MTREX: variants seen among roughly 807,000 people sequenced by gnomAD.
The protein encoded by MTREX is exosome RNA helicase MTR4.
In MTREX, 76 loss-of-function variants were observed where a neutral mutation model predicts 135.4. The ratio of observed to expected loss-of-function variants is 0.56; its 90% CI spans 0.47 to 0.68. The LOEUF is 0.68. Among genes scored for constraint, MTREX ranks in the 30% least tolerant of loss-of-function variants. MTREX has a pLI of 0.00. For missense variants in MTREX, 920 were observed against 1,262.1 expected (o/e 0.73, Z 4.11); for synonymous variants, 404 against 401.6 (o/e 1.01, Z -0.07).
chr5:55,309,826 C>T (rs1165820299), intron 1 of MTREX, among the ~76,000 whole-genome samples: 1 of 151,942 alleles, frequency 6.6e-6, no homozygotes, highest in Non-Finnish European at 1.5e-5. Flanking sequence ...GGAGAGGGTA[C>T]ATAAGCCTAA....
chr5:55,397,475 T>A lies in MTREX; in HGVS notation c.2241T>A (p.Pro747=). ...TCAGCAGTGTTAGGCTTTACATTCC[T>A]AAAGACCTTCGGCCGGTGGACAATA... ...SAISSVRLYI[P]KDLRPVDNRQ... is the part of the protein sequence containing the mutation. Residue 747 remains proline, a synonymous_variant, in exon 20 of 27, where the codon CCT becomes CCA. Transcript: ENST00000230640. 1 of 1,610,962 alleles carries A rather than the reference T, an allele frequency of 6.2e-7. No homozygotes were observed. The highest frequency in any genetic ancestry group is 1.1e-5 in the South Asian group (1 of 90,592).
At chr5:55,368,268 A>T (rs984168948) in intron 16 of MTREX, among the ~76,000 whole-genome samples, 2 of 151,906 alleles carry the variant, frequency 1.3e-5, no homozygotes, top group African/African-American at 4.8e-5. Context: ...GGCCAGCATG[A>T]TGAAACCCCA....
intron 14 of MTREX, among the ~76,000 whole-genome samples, chr5:55,354,980 C>T (rs1436004983): frequency 6.6e-6 from 1 of 152,168 alleles, no homozygotes; most frequent in Non-Finnish European, 1.5e-5. Context: ...AGGAAGCAGG[C>T]ACAGGGTGGA....
rs1003650140 is a variant in MTREX, at chr5:55,397,431, G to A, written c.2197G>A (p.Val733Met). ...KGEMQVVPVL[V>M]HLLSAISSVR... ...TTGGTCATAGGTTGTCCCAGTTTTG[G>A]TGCATCTCCTGTCTGCTATCAGCAG... is the stretch of plus-strand genomic sequence containing the variant. Residue 733 changes from valine (V) to methionine (M), a missense_variant, in exon 20 of 27, where the codon GTG (valine) becomes ATG (methionine). By Grantham distance (21) the Val-to-Met change is conservative (BLOSUM62 1). Transcript: ENST00000230640. 6.2e-7 allele frequency: 1 copy of A among 1,608,016 alleles called. No homozygotes were observed. The highest frequency in any genetic ancestry group is 1.3e-5 in the African/African-American group (1 of 74,826).
chr5:55,313,379 T>C (rs927871454), intron 1 of MTREX, among the ~76,000 whole-genome samples: 1 of 152,076 alleles, frequency 6.6e-6, no homozygotes, highest in Non-Finnish European at 1.5e-5. Flanking sequence ...AGGTTGAGGC[T>C]GCAGGGAGCT....
At chr5:55,351,502 A>G (rs1466947680) in intron 13 of MTREX, among the ~76,000 whole-genome samples, 1 of 152,222 alleles carries the variant, frequency 6.6e-6, no homozygotes, top group Admixed American at 6.5e-5. Flanking sequence ...ATTGTACTCC[A>G]GCCTGGACAA....
At chr5:55,412,331 A>G (rs761199076) in intron 23 of MTREX, among the ~76,000 whole-genome samples, 13 of 152,210 alleles carry the variant, frequency 8.5e-5, no homozygotes, top group Non-Finnish European at 1.8e-4. Flanking sequence ...AACTGTCTCT[A>G]CATTTTAAAA....
chr5:55,383,087 T>G (rs934464968), intron 18 of MTREX, among the ~76,000 whole-genome samples: 1 of 152,208 alleles, frequency 6.6e-6, no homozygotes, highest in African/African-American at 2.4e-5. Context: ...CCTTAAACAG[T>G]TTTGCTCCCA....
chr5:55,320,256 C>T (rs1297654679), intron 1 of MTREX, among the ~76,000 whole-genome samples: 1 of 143,956 alleles, frequency 6.9e-6, no homozygotes, highest in Non-Finnish European at 1.5e-5. Context: ...CTTGCTCTGT[C>T]GCCCAGGCTG....
At chr5:55,391,242 A>G (rs1317932205) in intron 19 of MTREX, among the ~76,000 whole-genome samples, 1 of 152,018 alleles carries the variant, frequency 6.6e-6, no homozygotes, top group Non-Finnish European at 1.5e-5. Flanking sequence ...GGAGTTCAAG[A>G]CCAGCCTGGG....
At chr5:55,315,036 C>T (rs573135974) in intron 1 of MTREX, among the ~76,000 whole-genome samples, 7 of 152,064 alleles carry the variant, frequency 4.6e-5, no homozygotes, top group Non-Finnish European at 8.8e-5. Context: ...GGTTGGGGGC[C>T]CATTTTAAGC....
In MTREX at chr5:55,324,028, A is replaced by G. The variant is rs1427719373; in HGVS notation, c.273-104A>G. 2.4e-5 allele frequency: 18 copies of G among 765,836 alleles called. No individual in the cohort carries two copies. In the South Asian group the frequency reaches 2.8e-4, roughly 12 times the overall value. 47.4% of individuals were successfully genotyped at this position (765,836 alleles called of 1,614,324 possible). A position where few individuals can be genotyped will look rare whatever the true frequency, so the allele number is the denominator to read the frequency against. ...AAAGTTTTTCCTATTTGGAATACTG[A>G]TGATTGGACAGTGTCATTTTCCTTA... On this transcript the variant is annotated intron_variant, in intron 2 of 26. Transcript: ENST00000230640.
At chr5:55,393,960 G>A (rs1251702327) in intron 19 of MTREX, among the ~76,000 whole-genome samples, 1 of 152,162 alleles carries the variant, frequency 6.6e-6, no homozygotes, top group African/African-American at 2.4e-5. Context: ...GGCATTTATA[G>A]AATGGCCTTT....
At chr5:55,333,891 C>G (rs186535171) in intron 5 of MTREX, among the ~76,000 whole-genome samples, 6 of 152,216 alleles carry the variant, frequency 3.9e-5, no homozygotes, top group Non-Finnish European at 7.4e-5. Context: ...CTAAACAAAT[C>G]TTCACAGCAG....
chr5:55,375,348 C>T (rs922553006), intron 16 of MTREX, among the ~76,000 whole-genome samples: 9 of 152,098 alleles, frequency 5.9e-5, no homozygotes, highest in African/African-American at 9.7e-5. Context: ...GAGACAGGTA[C>T]GCCCCAGGGG....
In MTREX at chr5:55,358,688, A is replaced by G. The variant is rs1435864193; in HGVS notation, c.1649A>G (p.Gln550Arg). ...DEKMSPTIGKQLLKGSADPLN... is the reference protein window; with the variant it reads ...DEKMSPTIGKRLLKGSADPLN... ...AAGATGAGCCCAACAATTGGAAAAC[A>G]ATTACTTAAGGTAACTACATTAAGA... is the stretch of plus-strand genomic sequence containing the variant. Residue 550 changes from glutamine (Q) to arginine (R), a missense_variant, in exon 15 of 27, where the codon CAA (glutamine) becomes CGA (arginine). Physicochemically the swap from Gln to Arg is conservative, Grantham distance 43. This residue lies in a region of MTREX where 467 missense variants were observed against 589.7 expected (regional missense o/e 0.79). Transcript: ENST00000230640. The G allele has an allele frequency of 6.3e-7, 1 of 1,594,856 alleles. No homozygotes were observed. The highest frequency in any genetic ancestry group is 8.5e-7 in the Non-Finnish European group (1 of 1,174,962).
At chr5:55,387,621 A>G (rs1417094280) in intron 18 of MTREX, among the ~76,000 whole-genome samples, 1 of 152,136 alleles carries the variant, frequency 6.6e-6, no homozygotes, top group Non-Finnish European at 1.5e-5. Flanking sequence ...TAAGCAATAA[A>G]ATAATCTATT....
At chr5:55,357,000 G>A in intron 14 of MTREX, 1 of 155,770 alleles carries the variant, frequency 6.4e-6, no homozygotes, top group Non-Finnish European at 1.5e-5. Context: ...GCTCAGTGAA[G>A]GAACCCTTGG....
At position 55,402,822 on chromosome 5, in the gene MTREX, A is replaced by ATG. The variant is rs147629671; in HGVS notation, c.2481+2419_2481+2420dup. On this transcript the variant is annotated intron_variant, in intron 21 of 26. Coordinates refer to ENST00000230640, the MANE Select transcript of MTREX (RefSeq NM_015360.5). ...TGATATATAAATATAAGCACATTAT[A>ATG]TGTGTGTGTGTGTGTGTGTATGTGT... 8.2e-3 allele frequency among the ~76,000 whole-genome samples: 1,169 copies of ATG among 143,412 alleles called. 6 individuals carry two copies. The highest frequency in any genetic ancestry group is 0.026 in the East Asian group (128 of 4,924). The allele number at this position is 143,412 out of a possible 152,430, so 94.1% of individuals were successfully genotyped here. A position where few individuals can be genotyped will look rare whatever the true frequency, so the allele number is the denominator to read the frequency against.
Sources: allele counts gnomAD v4.1 joint callset (sites outside exome capture counted in the v4.1 genomes callset), GRCh38; gene constraint gnomAD v4.1.1; regional missense constraint gnomAD v4.1.1; transcripts MANE v1.5; gene names NCBI Gene and HGNC (gene_info 2026-07-23, HGNC 2026-07-21).